Variants in QTGAL observed in about 807,000 individuals in gnomAD.
QTGAL encodes queuosine-tRNA galactosyltransferase.
At chr17:82,994,492 G>A in the QTGAL span, among the ~76,000 whole-genome samples, 2 of 152,080 alleles carry the variant, frequency 1.3e-5, no homozygotes, top group East Asian at 3.9e-4. Flanking sequence ...TACCAAGACT[G>A]AACCATGAAA....
At chr17:83,036,302 C>T in the QTGAL span, among the ~76,000 whole-genome samples, 4 of 152,168 alleles carry the variant, frequency 2.6e-5, no homozygotes, top group Non-Finnish European at 5.9e-5. Context: ...GCCCGGAGCA[C>T]GAGGGCAGCC....
the QTGAL span, chr17:82,960,326 T>A: frequency 0.36 from 54,462 of 151,998 alleles, 10,319 homozygotes; most frequent in African/African-American, 0.49. Context: ...ATGACCCTAG[T>A]TGGGGTCTTG....
the QTGAL span, among the ~76,000 whole-genome samples, chr17:83,016,485 G>A: frequency 1.4e-5 from 2 of 145,008 alleles, no homozygotes; most frequent in African/African-American, 5.1e-5. Context: ...GGAGAATGGA[G>A]GAGTGAGAAG....
the QTGAL span, among the ~76,000 whole-genome samples, chr17:83,019,801 T>G: frequency 6.6e-6 from 1 of 152,184 alleles, no homozygotes; most frequent in Non-Finnish European, 1.5e-5. Flanking sequence ...TGGCGCAATC[T>G]TGGCTCACTG....
the QTGAL span, chr17:82,957,134 G>A: frequency 5.3e-5 from 86 of 1,609,326 alleles, 1 homozygote; most frequent in Middle Eastern, 3.3e-4. Flanking sequence ...CCTCAGCCCC[G>A]GAGCAGGTGG....
At chr17:83,002,127 A>G in the QTGAL span, among the ~76,000 whole-genome samples, 1 of 151,896 alleles carries the variant, frequency 6.6e-6, no homozygotes, top group Non-Finnish European at 1.5e-5. Flanking sequence ...TTAAGTGAAT[A>G]CAGTATGTAA....
the QTGAL span, among the ~76,000 whole-genome samples, chr17:83,034,356 TG>T: frequency 6.6e-6 from 1 of 152,276 alleles, no homozygotes; most frequent in Non-Finnish European, 1.5e-5. Flanking sequence ...CGCTCTCTGC[TG>T]TGCAATTTTA....
the QTGAL span, among the ~76,000 whole-genome samples, chr17:83,023,820 T>A: frequency 2.0e-5 from 3 of 152,162 alleles, no homozygotes; most frequent in African/African-American, 4.8e-5. Flanking sequence ...AAACCCAACC[T>A]TCATGGGTTA....
the QTGAL span, among the ~76,000 whole-genome samples, chr17:83,051,515 G>C: frequency 6.6e-6 from 1 of 152,194 alleles, no homozygotes; most frequent in African/African-American, 2.4e-5. Context: ...CGGAGCTGCA[G>C]ATCTCGGCCG....
chr17:83,018,228 A>G, the QTGAL span, among the ~76,000 whole-genome samples: 21 of 149,670 alleles, frequency 1.4e-4, no homozygotes, highest in South Asian at 4.2e-3. Flanking sequence ...ATCAGGTACC[A>G]CACGTGCTCC....
chr17:82,981,269 A>G, the QTGAL span: 1 of 152,190 alleles, frequency 6.6e-6, no homozygotes, highest in African/African-American at 2.4e-5. Flanking sequence ...TCCACGTATA[A>G]CCTTGGACTC....
At chr17:82,961,033 C>A in the QTGAL span, 1 of 1,597,340 alleles carries the variant, frequency 6.3e-7, no homozygotes, top group Non-Finnish European at 8.5e-7. Flanking sequence ...TCAGGCGTCC[C>A]GGGGCCGGGC....
the QTGAL span, among the ~76,000 whole-genome samples, chr17:82,970,362 C>A: frequency 1.3e-5 from 2 of 152,272 alleles, no homozygotes. Flanking sequence ...ACGGATTTCA[C>A]GATTACAAAG....
chr17:83,032,965 G>C, the QTGAL span, among the ~76,000 whole-genome samples: 1 of 152,218 alleles, frequency 6.6e-6, no homozygotes, highest in Non-Finnish European at 1.5e-5. Flanking sequence ...AAAGAGCTGG[G>C]TCAGGAGGAG....
chr17:82,960,056 G>A, the QTGAL span, among the ~76,000 whole-genome samples: 1 of 152,226 alleles, frequency 6.6e-6, no homozygotes, highest in Non-Finnish European at 1.5e-5. Context: ...CAAAGGAGCT[G>A]AAGTGTCAGG....
chr17:82,965,606 C>T, the QTGAL span: 11 of 1,518,506 alleles, frequency 7.2e-6, no homozygotes, highest in African/African-American at 2.8e-5. Flanking sequence ...AGAGACAGGG[C>T]CCCGAACCTG....
At chr17:82,954,768 T>C in the QTGAL span, among the ~76,000 whole-genome samples, 1 of 152,232 alleles carries the variant, frequency 6.6e-6, no homozygotes, top group Admixed American at 6.5e-5. Context: ...AGCATGGTAC[T>C]GGTACCAAAA....
the QTGAL span, among the ~76,000 whole-genome samples, chr17:83,046,832 C>T: frequency 2.0e-5 from 3 of 152,220 alleles, no homozygotes; most frequent in Non-Finnish European, 4.4e-5. Flanking sequence ...ATGTCCACTG[C>T]CTGACAAACA....
the QTGAL span, among the ~76,000 whole-genome samples, chr17:82,969,412 T>G: frequency 1.3e-5 from 2 of 152,234 alleles, no homozygotes; most frequent in Non-Finnish European, 2.9e-5. Context: ...TTTCGCTACG[T>G]TGCCCAGGCT....
Sources: allele counts gnomAD v4.1 joint callset (sites outside exome capture counted in the v4.1 genomes callset), GRCh38; gene constraint gnomAD v4.1.1; transcripts MANE v1.5; gene names NCBI Gene and HGNC (gene_info 2026-07-23, HGNC 2026-07-21).